Variants in RAPGEF5 observed in about 807,000 individuals in gnomAD.
RAPGEF5 encodes Rap guanine nucleotide exchange factor 5.
RAPGEF5 carries 65 observed loss-of-function variants against 125.2 expected under a neutral mutation model. The observed-to-expected ratio is 0.52, with a 90% CI of 0.43 to 0.64. RAPGEF5 has a LOEUF of 0.64. Among genes scored for constraint, RAPGEF5 ranks in the 30% least tolerant of loss-of-function variants. The pLI is 0.00. For missense variants in RAPGEF5, 958 were observed against 1,048.1 expected, an observed-to-expected ratio of 0.91 and a Z score of 1.19; for synonymous variants, 391 against 385.9, an observed-to-expected ratio of 1.01 and a Z score of -0.16.
At chr7:22,160,637 G>C (rs955484) in intron 13 of RAPGEF5, 22 bp from the exon 14 acceptor site, 497,505 of 1,515,092 alleles carry the variant, frequency 0.33, 83,135 homozygotes, top group African/African-American at 0.47. Flanking sequence ...AGACAAATGA[G>C]AGCTCAGTGG....
intron 14 of RAPGEF5, among the ~76,000 whole-genome samples, chr7:22,158,561 T>C (rs1032987950): frequency 3.3e-5 from 5 of 152,224 alleles, no homozygotes; most frequent in African/African-American, 9.6e-5. Context: ...TCATGAGTTT[T>C]ACATTTAGGG....
chr7:22,233,315 C>T (rs557145381), intron 7 of RAPGEF5, among the ~76,000 whole-genome samples: 70 of 152,258 alleles, frequency 4.6e-4, no homozygotes, highest in African/African-American at 1.6e-3. Context: ...AGCAACCATA[C>T]TTTGGCACTT....
intron 12 of RAPGEF5, among the ~76,000 whole-genome samples, chr7:22,166,329 A>G (rs1239502290): frequency 1.3e-5 from 2 of 152,136 alleles, no homozygotes; most frequent in Admixed American, 1.3e-4. Context: ...TTTAATAAAA[A>G]CAGCACAGCA....
At chr7:22,184,293 G>T (rs1362384880) in intron 11 of RAPGEF5, among the ~76,000 whole-genome samples, 2 of 152,192 alleles carry the variant, frequency 1.3e-5, no homozygotes, top group African/African-American at 4.8e-5. Context: ...AAAGTTTAAT[G>T]AAAGTATTCA....
At chr7:22,158,598 C>A (rs990906748) in intron 14 of RAPGEF5, among the ~76,000 whole-genome samples, 1 of 152,072 alleles carries the variant, frequency 6.6e-6, no homozygotes. Flanking sequence ...GAATCTAAAG[C>A]TATTTCATAA....
chr7:22,171,832 A>T (rs1476296485), intron 11 of RAPGEF5, among the ~76,000 whole-genome samples: 1 of 152,194 alleles, frequency 6.6e-6, no homozygotes, highest in Non-Finnish European at 1.5e-5. Context: ...TAAGTAAATT[A>T]CTAAATCTAA....
At chr7:22,332,447 A>G (rs1203068883) in intron 1 of RAPGEF5, among the ~76,000 whole-genome samples, 1 of 152,242 alleles carries the variant, frequency 6.6e-6, no homozygotes, top group African/African-American at 2.4e-5. Context: ...AAGTCATCAT[A>G]TAAATAAAGC....
intron 5 of RAPGEF5, among the ~76,000 whole-genome samples, chr7:22,297,180 G>A (rs1472753541): frequency 6.6e-6 from 1 of 152,144 alleles, no homozygotes; most frequent in African/African-American, 2.4e-5. Context: ...ATCCAGTAGA[G>A]GAAAAAGCTG....
Position 22,125,752 on chromosome 7 carries a change from C to T in RAPGEF5, c.2482-94G>A, listed in dbSNP as rs370502433. ...GCTAGGATGGAAGGATAATCTAGCA[C>T]TCTTGGCTGTAATAAAGAGAAGAAC... On this transcript the variant is annotated intron_variant, in intron 24 of 25. Coordinates refer to ENST00000665637, the MANE Select transcript of RAPGEF5 (RefSeq NM_012294.5). 35 of 1,137,596 alleles carry T rather than the reference C, an allele frequency of 3.1e-5. No homozygotes were observed. In the African/African-American group the frequency reaches 4.3e-4, roughly 14 times the overall value. The allele number at this position is 1,137,596 out of a possible 1,614,324, so 70.5% of individuals were successfully genotyped here. A position where few individuals can be genotyped will look rare whatever the true frequency, so the allele number is the denominator to read the frequency against.
chr7:22,252,445 C>T (rs1018932423), intron 7 of RAPGEF5, among the ~76,000 whole-genome samples: 4 of 152,282 alleles, frequency 2.6e-5, no homozygotes, highest in African/African-American at 7.2e-5. Context: ...CTGGAGTATG[C>T]GCTGCTGTAG....
At chr7:22,293,871 C>T (rs568494588) in intron 5 of RAPGEF5, among the ~76,000 whole-genome samples, 1 of 152,324 alleles carries the variant, frequency 6.6e-6, no homozygotes, top group South Asian at 2.1e-4. Flanking sequence ...CTTAAACCTC[C>T]TCCTCAGCTC....
intron 3 of RAPGEF5, 42 bp from the exon 4 acceptor site, chr7:22,310,132 A>T (rs749937516): frequency 2.1e-6 from 3 of 1,454,802 alleles, no homozygotes; most frequent in East Asian, 5.4e-5. Context: ...TATTGCTGAC[A>T]TCCGTTTGCC....
chr7:22,273,897 A>C (rs1782498760), intron 6 of RAPGEF5, among the ~76,000 whole-genome samples: 1 of 152,224 alleles, frequency 6.6e-6, no homozygotes, highest in Non-Finnish European at 1.5e-5. Context: ...GGTTTTGTTA[A>C]GGTCCATGAG....
At chr7:22,166,959 AT>A (rs1784186751) in intron 12 of RAPGEF5, 110 bp downstream of exon 12, 1 of 821,700 alleles carries the variant, frequency 1.2e-6, no homozygotes, top group East Asian at 2.7e-5. Context: ...TATTTAACAT[AT>A]CCACATTCTA....
Position 22,118,824 on chromosome 7 carries a change from T to C in RAPGEF5, c.*3582A>G, listed in dbSNP as rs1415740243. On this transcript the variant is annotated 3_prime_UTR_variant, in exon 26 of 26. Transcript: ENST00000665637. ...AAATATTACTCTGCTAAAAAATGTT[T>C]AGTATATACAGCTTTGCTTTATACA... 6.6e-6 allele frequency: 1 copy of C among 152,636 alleles called. No individual in the cohort carries two copies. Among genetic ancestry groups the C allele is most frequent in the Non-Finnish European group, 1.5e-5 (1 of 68,040 alleles). The allele number at this position is 152,636 out of a possible 1,614,324, so 9.5% of individuals were successfully genotyped here. A position where few individuals can be genotyped will look rare whatever the true frequency, so the allele number is the denominator to read the frequency against.
intron 21 of RAPGEF5, among the ~76,000 whole-genome samples, chr7:22,138,662 C>T (rs1783157005): frequency 6.6e-6 from 1 of 152,186 alleles, no homozygotes; most frequent in South Asian, 2.1e-4. Context: ...CTGCCCTGGT[C>T]CAAGACTTCT....
intron 14 of RAPGEF5, among the ~76,000 whole-genome samples, 184 bp from the exon 15 acceptor site, chr7:22,158,069 G>C (rs1220167971): frequency 2.6e-5 from 4 of 152,200 alleles, no homozygotes; most frequent in Non-Finnish European, 4.4e-5. Context: ...TTTCAAATGA[G>C]CCAGGAAGTA....
intron 8 of RAPGEF5, among the ~76,000 whole-genome samples, chr7:22,223,600 A>T (rs1183614537): frequency 6.6e-6 from 1 of 152,086 alleles, no homozygotes; most frequent in Non-Finnish European, 1.5e-5. Context: ...CAGGAGGGAG[A>T]AGGGGGCATT....
intron 7 of RAPGEF5, among the ~76,000 whole-genome samples, chr7:22,235,857 A>G (rs1280254432): frequency 6.6e-6 from 1 of 152,212 alleles, no homozygotes. Context: ...CTATCAATAT[A>G]TATAATCATA....
Sources: allele counts gnomAD v4.1 joint callset (sites outside exome capture counted in the v4.1 genomes callset), GRCh38; gene constraint gnomAD v4.1.1; transcripts MANE v1.5; gene names NCBI Gene and HGNC (gene_info 2026-07-23, HGNC 2026-07-21).